COG6: variants seen among roughly 807,000 people sequenced by gnomAD.
COG6 encodes conserved oligomeric Golgi complex subunit 6.
In COG6, 74 loss-of-function variants were observed where a neutral mutation model predicts 88.8. That is an observed-to-expected ratio of 0.83 (90% CI 0.69 to 1.01). COG6 has a LOEUF of 1.01. Ranked by LOEUF, COG6 falls within the 50% of genes least tolerant of loss-of-function variation. The pLI, the probability that COG6 is intolerant of heterozygous loss-of-function variation, is 0.00. For missense variants in COG6, 800 were observed against 797.9 expected, an observed-to-expected ratio of 1.00 and a Z score of -0.03; for synonymous variants, 286 against 278.7, an observed-to-expected ratio of 1.03 and a Z score of -0.26.
At chr13:39,679,441 TGAAA>T (rs1876174333) in intron 5 of COG6, 93 bp from the exon 6 acceptor site, 2 of 754,942 alleles carry the variant, frequency 2.6e-6, no homozygotes, top group Non-Finnish European at 4.9e-6. Flanking sequence ...CTAAAATAGG[TGAAA>T]GAGTTTGTTT....
chr13:39,746,645 T>C (rs1447163609), intron 18 of COG6, among the ~76,000 whole-genome samples: 2 of 152,206 alleles, frequency 1.3e-5, no homozygotes, highest in African/African-American at 4.8e-5. Flanking sequence ...GTATTTCATA[T>C]GTGATATTAG....
In COG6 at chr13:39,752,442, C is replaced by T. The variant is rs988850995; in HGVS notation, c.*1349C>T. 9.4e-7 allele frequency: 1 copy of T among 1,059,250 alleles called. No individual in the cohort carries two copies. Among genetic ancestry groups the T allele is most frequent in the East Asian group, 6.0e-5 (1 of 16,624 alleles). The allele number at this position is 1,059,250 out of a possible 1,614,324, so 65.6% of individuals were successfully genotyped here. A position where few individuals can be genotyped will look rare whatever the true frequency, so the allele number is the denominator to read the frequency against. ...TATAAATCTGTATTTTTAGTTTTTT[C>T]CCTTTGATTAGTATGTGTTACATAT... On this transcript the variant is annotated 3_prime_UTR_variant, in exon 19 of 19. Transcript: ENST00000455146.
At chr13:39,737,075 T>C (rs931892242) in intron 18 of COG6, among the ~76,000 whole-genome samples, 1 of 152,134 alleles carries the variant, frequency 6.6e-6, no homozygotes, top group African/African-American at 2.4e-5. Context: ...TCAATGAGGG[T>C]ACTACATTGG....
chr13:39,712,195 T>C (rs1359324883), intron 13 of COG6, among the ~76,000 whole-genome samples: 1 of 152,152 alleles, frequency 6.6e-6, no homozygotes, highest in East Asian at 1.9e-4. Context: ...AACATATTAT[T>C]GGGGCTTAAT....
At position 39,687,786 on chromosome 13, in the gene COG6, T is replaced by G. The variant is rs1295602868; in HGVS notation, c.996T>G (p.His332Gln). ...EKEHLEALLK[H>Q]VTTQGVEENI... ...AACACCTTGAAGCTCTCTTAAAGCA[T>G]GTAACTACACAAGGTGGGTCCACCA... Residue 332 changes from histidine (H) to glutamine (Q), a missense_variant, in exon 10 of 19, where the codon CAT becomes CAG. Coordinates refer to ENST00000455146, the MANE Select transcript of COG6 (RefSeq NM_020751.3). 6.2e-7 allele frequency: 1 copy of G among 1,612,968 alleles called. No individual in the cohort carries two copies. The highest frequency in any genetic ancestry group is 8.5e-7 in the Non-Finnish European group (1 of 1,178,998).
At chr13:39,717,241 C>T (rs1423319773) in intron 13 of COG6, among the ~76,000 whole-genome samples, 1 of 151,616 alleles carries the variant, frequency 6.6e-6, no homozygotes, top group African/African-American at 2.4e-5. Context: ...TTTTTAGTTG[C>T]TTTCAGGATT....
At chr13:39,779,094 C>T (rs1260133825) in intron 18 of COG6, among the ~76,000 whole-genome samples, 3 of 152,078 alleles carry the variant, frequency 2.0e-5, no homozygotes, top group Admixed American at 1.3e-4. Context: ...TGTCACACTG[C>T]GTGACCTTGA....
chr13:39,675,034 T>C (rs1446280718), intron 4 of COG6, among the ~76,000 whole-genome samples: 1 of 152,178 alleles, frequency 6.6e-6, no homozygotes, highest in Non-Finnish European at 1.5e-5. Flanking sequence ...TTAGTACATA[T>C]AGATCTACCT....
At chr13:39,781,125 A>T (rs1158574696) in intron 18 of COG6, among the ~76,000 whole-genome samples, 1 of 151,858 alleles carries the variant, frequency 6.6e-6, no homozygotes, top group Non-Finnish European at 1.5e-5. Flanking sequence ...TCACTGTGAG[A>T]CTCTCATCCA....
At chr13:39,712,267 C>T (rs7324926) in intron 13 of COG6, among the ~76,000 whole-genome samples, 2,437 of 152,120 alleles carry the variant, frequency 0.016, 74 homozygotes, top group African/African-American at 0.056. Context: ...CCCATTCTTC[C>T]ACGTAGAAGC....
At chr13:39,784,789 C>T (rs1881724765) in intron 18 of COG6, among the ~76,000 whole-genome samples, 1 of 152,150 alleles carries the variant, frequency 6.6e-6, no homozygotes, top group African/African-American at 2.4e-5. Context: ...TCTGGGCTCC[C>T]ACTCTGAAGG....
At chr13:39,676,331 G>A (rs993602079) in intron 4 of COG6, among the ~76,000 whole-genome samples, 1 of 152,016 alleles carries the variant, frequency 6.6e-6, no homozygotes. Context: ...ATTGGACTGG[G>A]CAAGAATTTT....
intron 18 of COG6, among the ~76,000 whole-genome samples, chr13:39,772,552 C>A (rs560405910): frequency 5.3e-5 from 8 of 152,148 alleles, no homozygotes; most frequent in Non-Finnish European, 1.2e-4. Context: ...TTGAACTGGT[C>A]TTTTAAAGTT....
chr13:39,701,380 A>G (rs1455324365), intron 13 of COG6, among the ~76,000 whole-genome samples: 1 of 151,844 alleles, frequency 6.6e-6, no homozygotes, highest in East Asian at 1.9e-4. Flanking sequence ...ATACATTTGG[A>G]TTTAGAGAGT....
At chr13:39,779,461 C>G (rs1881563695) in intron 18 of COG6, among the ~76,000 whole-genome samples, 1 of 152,206 alleles carries the variant, frequency 6.6e-6, no homozygotes, top group Non-Finnish European at 1.5e-5. Flanking sequence ...AGATCCAGGA[C>G]AGGCAGCATG....
chr13:39,727,467 A>G lies in COG6; in HGVS notation c.1747-2A>G. 6.2e-7 allele frequency: 1 copy of G among 1,607,908 alleles called. No individual in the cohort carries two copies. Among genetic ancestry groups the G allele is most frequent in the Non-Finnish European group, 8.5e-7 (1 of 1,174,536 alleles). ...TATTTTGTATTTCTCTGTTTCATTT[A>G]GGTTCAGTTTGATCGTTATCTGTCA... On this transcript the variant is annotated splice_acceptor_variant, in intron 17 of 18. Transcript: ENST00000455146. LOFTEE classifies it high-confidence loss of function.
intron 13 of COG6, among the ~76,000 whole-genome samples, chr13:39,707,160 G>A (rs1157787595): frequency 2.0e-5 from 3 of 148,048 alleles, no homozygotes; most frequent in East Asian, 4.0e-4. Context: ...ACAGAGTCTC[G>A]CTCTGTCACC....
intron 4 of COG6, among the ~76,000 whole-genome samples, chr13:39,669,999 T>G (rs915858760): frequency 5.3e-5 from 8 of 152,198 alleles, no homozygotes; most frequent in Admixed American, 2.0e-4. Flanking sequence ...AACAAGCAGT[T>G]AGCTTTAGAA....
intron 18 of COG6, among the ~76,000 whole-genome samples, chr13:39,766,111 T>C (rs1249557016): frequency 6.6e-6 from 1 of 152,216 alleles, no homozygotes; most frequent in Non-Finnish European, 1.5e-5. Context: ...GTACTGCCTC[T>C]GTCTCCACCC....
Sources: allele counts gnomAD v4.1 joint callset (sites outside exome capture counted in the v4.1 genomes callset), GRCh38; gene constraint gnomAD v4.1.1; transcripts MANE v1.5; gene names NCBI Gene and HGNC (gene_info 2026-07-23, HGNC 2026-07-21).